The following KDM4C variants were observed in gnomAD, a reference collection of about 807,000 sequenced individuals.
KDM4C encodes the protein lysine demethylase 4C.
A neutral mutation model predicts 129.3 loss-of-function variants in KDM4C; 81 were observed. The observed-to-expected ratio is 0.63, with a 90% CI of 0.52 to 0.75. KDM4C has a LOEUF of 0.75. Ranked by LOEUF, KDM4C falls within the 30% of genes least tolerant of loss-of-function variation. The pLI is 0.00. For missense variants in KDM4C, 1,457 were observed against 1,304.0 expected (o/e 1.12, Z -1.81); for synonymous variants, 573 against 456.1 (o/e 1.26, Z -3.26).
At chr9:6,879,363 C>A (rs944730312) in intron 5 of KDM4C, among the ~76,000 whole-genome samples, 2 of 152,050 alleles carry the variant, frequency 1.3e-5, no homozygotes, top group African/African-American at 4.8e-5. Flanking sequence ...ATGAGTATTT[C>A]TGTTCTTTAA....
At chr9:6,991,792 C>T (rs2821453) in intron 12 of KDM4C, among the ~76,000 whole-genome samples, 125,176 of 152,102 alleles carry the variant, frequency 0.82, 52,339 homozygotes, top group Non-Finnish European at 0.89. Context: ...TCCCAGCTGC[C>T]TGGGAAGCAG....
At chr9:6,940,153 G>A (rs1214908629) in intron 8 of KDM4C, among the ~76,000 whole-genome samples, 1 of 151,802 alleles carries the variant, frequency 6.6e-6, no homozygotes, top group African/African-American at 2.4e-5. Flanking sequence ...GTGCAGTGGT[G>A]CAGTATTGGC....
intron 8 of KDM4C, among the ~76,000 whole-genome samples, chr9:6,902,515 A>G (rs1471061330): frequency 6.6e-6 from 1 of 152,142 alleles, no homozygotes; most frequent in Non-Finnish European, 1.5e-5. Flanking sequence ...TGTGAGGCTT[A>G]GTTTTCCTAC....
chr9:6,790,833 G>T (rs748131759), intron 1 of KDM4C, among the ~76,000 whole-genome samples: 1 of 152,044 alleles, frequency 6.6e-6, no homozygotes, highest in African/African-American at 2.4e-5. Flanking sequence ...CCTGTCTCAT[G>T]ATAGGTGCTC....
chr9:6,842,455 C>T (rs967799029), intron 4 of KDM4C, among the ~76,000 whole-genome samples: 2 of 151,360 alleles, frequency 1.3e-5, no homozygotes, highest in African/African-American at 4.9e-5. Flanking sequence ...TTGTCTCAGT[C>T]TCTTGAGTAG....
chr9:7,072,893 A>G (rs183638551), intron 17 of KDM4C, among the ~76,000 whole-genome samples: 81 of 152,346 alleles, frequency 5.3e-4, no homozygotes, highest in African/African-American at 1.8e-3. Context: ...TACATTGTGT[A>G]ATCATCAAAA....
chr9:6,766,636 G>A (rs1185231078), intron 1 of KDM4C, among the ~76,000 whole-genome samples: 1 of 151,980 alleles, frequency 6.6e-6, no homozygotes, highest in Non-Finnish European at 1.5e-5. Context: ...CTAGAATCTG[G>A]ATCTGAAATG....
intron 17 of KDM4C, among the ~76,000 whole-genome samples, chr9:7,062,603 C>A (rs1186349428): frequency 1.3e-5 from 2 of 151,826 alleles, no homozygotes; most frequent in African/African-American, 4.8e-5. Flanking sequence ...AAGCTGGTCT[C>A]AAACTCCTGG....
chr9:6,945,123 C>A (rs139711554), intron 8 of KDM4C, among the ~76,000 whole-genome samples: 1 of 152,172 alleles, frequency 6.6e-6, no homozygotes, highest in Non-Finnish European at 1.5e-5. Flanking sequence ...TTACTCACTG[C>A]ACGAACCCGT....
At chr9:6,781,611 C>G (rs1054564900) in intron 1 of KDM4C, among the ~76,000 whole-genome samples, 5 of 152,072 alleles carry the variant, frequency 3.3e-5, no homozygotes, top group African/African-American at 9.7e-5. Context: ...AAATCACCAA[C>G]AGACAGTGTA....
At chr9:7,015,261 C>T (rs1365346969) in intron 14 of KDM4C, among the ~76,000 whole-genome samples, 6 of 151,958 alleles carry the variant, frequency 3.9e-5, no homozygotes, top group Non-Finnish European at 5.9e-5. Flanking sequence ...TTAAATATTT[C>T]AGAATTCTCT....
intron 8 of KDM4C, among the ~76,000 whole-genome samples, chr9:6,956,023 C>T (rs11792899): frequency 6.6e-6 from 1 of 151,924 alleles, no homozygotes; most frequent in African/African-American, 2.4e-5. Context: ...TGCACATGTT[C>T]TCACTTATTT....
chr9:7,072,056 G>A lies in KDM4C; in HGVS notation c.2424+22856G>A, dbSNP rs74844153. Among the ~76,000 whole-genome samples the A allele has an allele frequency of 7.6e-3, 1,161 of 152,230 alleles. 10 individuals carry two copies. The highest frequency in any genetic ancestry group is 0.027 in the African/African-American group (1,105 of 41,546). On this transcript the variant is annotated intron_variant, in intron 17 of 21. Coordinates refer to ENST00000381309, the MANE Select transcript of KDM4C (RefSeq NM_015061.6). ...ACAGCACATAAGTACATGACAAAATGCTTAATGTCATTATCTGTTAGGTAA... is the reference window on the plus strand; with the variant it reads ...ACAGCACATAAGTACATGACAAAATACTTAATGTCATTATCTGTTAGGTAA...
chr9:7,066,119 A>T (rs1832392230), intron 17 of KDM4C, among the ~76,000 whole-genome samples: 3 of 152,146 alleles, frequency 2.0e-5, no homozygotes, highest in African/African-American at 4.8e-5. Flanking sequence ...TCATCATTTT[A>T]ATGGTTTTGA....
intron 4 of KDM4C, among the ~76,000 whole-genome samples, chr9:6,844,317 T>C (rs1366792168): frequency 2.6e-5 from 4 of 152,208 alleles, no homozygotes; most frequent in Admixed American, 2.6e-4. Context: ...ATTAAATATG[T>C]GTATTTTGAC....
At chr9:6,922,068 C>T (rs1439850464) in intron 8 of KDM4C, among the ~76,000 whole-genome samples, 2 of 152,204 alleles carry the variant, frequency 1.3e-5, no homozygotes, top group African/African-American at 4.8e-5. Context: ...ATGCCCAGTG[C>T]CTAGCACCAT....
At chr9:7,038,928 T>G (rs1314418289) in intron 15 of KDM4C, among the ~76,000 whole-genome samples, 1 of 152,092 alleles carries the variant, frequency 6.6e-6, no homozygotes, top group Admixed American at 6.6e-5. Flanking sequence ...TTTTTGTAAC[T>G]GTGGGCTTTA....
chr9:6,931,829 T>C (rs945909550), intron 8 of KDM4C, among the ~76,000 whole-genome samples: 12 of 152,240 alleles, frequency 7.9e-5, no homozygotes, highest in African/African-American at 2.9e-4. Flanking sequence ...TTGGCAGTCT[T>C]ATATGAGAAA....
At chr9:6,933,523 T>G (rs925744400) in intron 8 of KDM4C, among the ~76,000 whole-genome samples, 1 of 152,220 alleles carries the variant, frequency 6.6e-6, no homozygotes, top group South Asian at 2.1e-4. Flanking sequence ...CCTGGGAATC[T>G]GGCTCTGCAA....
Sources: allele counts gnomAD v4.1 joint callset (sites outside exome capture counted in the v4.1 genomes callset), GRCh38; gene constraint gnomAD v4.1.1; transcripts MANE v1.5; gene names NCBI Gene and HGNC (gene_info 2026-07-23, HGNC 2026-07-21).